Variants in GKAP1 observed in about 807,000 individuals in gnomAD.
The protein encoded by GKAP1 is G kinase-anchoring protein 1.
Under a neutral mutation model 56.7 loss-of-function variants are expected in GKAP1, and 31 were observed. The ratio of observed to expected loss-of-function variants is 0.55; its 90% CI spans 0.41 to 0.74. GKAP1 has a LOEUF of 0.74. GKAP1 is among the 30% of genes least tolerant of loss of function. The pLI, the probability that GKAP1 is intolerant of heterozygous loss-of-function variation, is 0.00. For missense variants in GKAP1, 364 were observed against 402.3 expected (o/e 0.90, Z 0.82); for synonymous variants, 151 against 138.6 (o/e 1.09, Z -0.63).
intron 7 of GKAP1, among the ~76,000 whole-genome samples, chr9:83,770,580 G>A (rs142439984): frequency 1.2e-4 from 18 of 150,362 alleles, no homozygotes; most frequent in Admixed American, 2.6e-4. Flanking sequence ...TTTTTGAGAC[G>A]GAGTTTCACT....
chr9:83,804,619 G>A (rs1160366191), intron 3 of GKAP1, among the ~76,000 whole-genome samples: 7 of 138,042 alleles, frequency 5.1e-5, no homozygotes, highest in Non-Finnish European at 3.2e-5. Context: ...CCAGGAGGGA[G>A]GTGGGGGGGG....
At chr9:83,809,186 T>A (rs1944476382) in intron 2 of GKAP1, among the ~76,000 whole-genome samples, 1 of 152,250 alleles carries the variant, frequency 6.6e-6, no homozygotes, top group Non-Finnish European at 1.5e-5. Flanking sequence ...TAAATGTCTA[T>A]TCTGAAACAT....
At chr9:83,740,535 T>A (rs957284368) in intron 12 of GKAP1, among the ~76,000 whole-genome samples, 20 of 152,194 alleles carry the variant, frequency 1.3e-4, no homozygotes, top group African/African-American at 4.8e-4. Context: ...TACTTTATAA[T>A]AGTTGTATGT....
At chr9:83,748,878 A>G (rs1052381501) in intron 9 of GKAP1, 1 of 152,248 alleles carries the variant, frequency 6.6e-6, no homozygotes, top group African/African-American at 2.4e-5. Flanking sequence ...TTTAATTTTA[A>G]ATTTAAAATG....
intron 7 of GKAP1, among the ~76,000 whole-genome samples, chr9:83,778,365 A>C (rs948136128): frequency 1.3e-5 from 2 of 152,226 alleles, no homozygotes; most frequent in African/African-American, 4.8e-5. Flanking sequence ...CTATGCAGCC[A>C]TAAAAAAGAA....
chr9:83,809,663 T>TGACA (rs1332809273), intron 2 of GKAP1, among the ~76,000 whole-genome samples: 1 of 152,230 alleles, frequency 6.6e-6, no homozygotes, highest in Admixed American at 6.5e-5. Flanking sequence ...CATTTGCCAG[T>TGACA]GACATGCATT....
intron 7 of GKAP1, among the ~76,000 whole-genome samples, chr9:83,769,425 C>T (rs915156817): frequency 6.6e-6 from 1 of 152,220 alleles, no homozygotes; most frequent in African/African-American, 2.4e-5. Context: ...CCAGGCAACA[C>T]TAATCTATTT....
Position 83,742,720 on chromosome 9 carries a change from G to T in GKAP1, c.905-120C>A, listed in dbSNP as rs1163961809. On this transcript the variant is annotated intron_variant, in intron 10 of 12. Coordinates refer to ENST00000376371, the MANE Select transcript of GKAP1 (RefSeq NM_025211.4). Reference sequence around the variant, plus strand: ...ACAATGATTTCTTGTCATACTTAAAGAATCTACTTCTTGACCTTGCATAGC... The same window carrying T: ...ACAATGATTTCTTGTCATACTTAAATAATCTACTTCTTGACCTTGCATAGC... 1.8e-5 allele frequency: 10 copies of T among 560,442 alleles called. No homozygotes were observed. The South Asian group carries it at 2.5e-4, about 14-fold the overall frequency. The allele number at this position is 560,442 out of a possible 1,614,324, so 34.7% of individuals were successfully genotyped here. A position where few individuals can be genotyped will look rare whatever the true frequency, so the allele number is the denominator to read the frequency against.
intron 10 of GKAP1, among the ~76,000 whole-genome samples, chr9:83,745,472 C>T (rs1943277329): frequency 6.6e-6 from 1 of 152,160 alleles, no homozygotes; most frequent in South Asian, 2.1e-4. Context: ...ACTTGGATTA[C>T]TTATGCTATG....
At chr9:83,770,584 T>C (rs1391638405) in intron 7 of GKAP1, among the ~76,000 whole-genome samples, 3 of 151,690 alleles carry the variant, frequency 2.0e-5, no homozygotes, top group Non-Finnish European at 4.4e-5. Flanking sequence ...TGAGACGGAG[T>C]TTCACTCTTG....
intron 12 of GKAP1, among the ~76,000 whole-genome samples, chr9:83,740,915 C>T (rs1011903164): frequency 6.6e-5 from 10 of 152,082 alleles, no homozygotes; most frequent in African/African-American, 2.4e-4. Flanking sequence ...CATAAGAATG[C>T]TGTCATTCAC....
intron 12 of GKAP1, among the ~76,000 whole-genome samples, chr9:83,740,009 T>C (rs1252594530): frequency 6.6e-6 from 1 of 152,178 alleles, no homozygotes; most frequent in Non-Finnish European, 1.5e-5. Flanking sequence ...CTTATTTTTT[T>C]AGAACTCATT....
At chr9:83,775,700 AC>A (rs1943846852) in intron 7 of GKAP1, among the ~76,000 whole-genome samples, 1 of 151,524 alleles carries the variant, frequency 6.6e-6, no homozygotes, top group Non-Finnish European at 1.5e-5. Context: ...ACCCAGTGAA[AC>A]CCCGTCTCTA....
chr9:83,775,853 G>A (rs1307329764), intron 7 of GKAP1, among the ~76,000 whole-genome samples: 1 of 121,364 alleles, frequency 8.2e-6, no homozygotes, highest in Admixed American at 1.1e-4. Context: ...CCAGCCAGGA[G>A]GACACAGAGA....
intron 4 of GKAP1, among the ~76,000 whole-genome samples, chr9:83,795,421 G>A (rs755617768): frequency 5.3e-5 from 8 of 151,976 alleles, no homozygotes; most frequent in African/African-American, 1.7e-4. Context: ...GCTACTTAGA[G>A]TTAATTCTTT....
intron 8 of GKAP1, among the ~76,000 whole-genome samples, chr9:83,754,639 GA>G (rs978940109): frequency 2.0e-5 from 3 of 152,012 alleles, no homozygotes; most frequent in Non-Finnish European, 2.9e-5. Flanking sequence ...AGAATTTGAA[GA>G]AAAAAATAAA....
chr9:83,772,203 C>T (rs928118600), intron 7 of GKAP1, among the ~76,000 whole-genome samples: 10 of 152,014 alleles, frequency 6.6e-5, no homozygotes, highest in Non-Finnish European at 8.8e-5. Flanking sequence ...CTATTTGGTA[C>T]CAAGCACACA....
At position 83,742,605 on chromosome 9, in the gene GKAP1, C is replaced by T. The variant is rs890150538; in HGVS notation, c.905-5G>A. The T allele has an allele frequency of 1.9e-6, 3 of 1,604,314 alleles. No homozygotes were observed. The highest frequency in any genetic ancestry group is 2.6e-6 in the Non-Finnish European group (3 of 1,175,086). On this transcript the variant is annotated splice_polypyrimidine_tract_variant and splice_region_variant and intron_variant, in intron 10 of 12. Transcript: ENST00000376371. ...GTATTTCTGCCTTATCTTTCACTGA[C>T]AAAAAAGGAAAAACAGCAGTATAGA...
At chr9:83,806,227 G>T in intron 3 of GKAP1, 75 bp downstream of exon 3, 1 of 927,728 alleles carries the variant, frequency 1.1e-6, no homozygotes, top group South Asian at 1.5e-5. Flanking sequence ...GGATACACAG[G>T]GGAACAAGAT....
Sources: gnomAD v4.1 joint callset for allele counts (sites outside exome capture counted in the v4.1 genomes callset) on GRCh38, gnomAD v4.1.1 for gene constraint, MANE v1.5 for transcripts, NCBI Gene and HGNC (gene_info 2026-07-23, HGNC 2026-07-21) for gene names.